Variants in GSDME observed in about 807,000 individuals in gnomAD.
GSDME encodes gasdermin-E.
In GSDME, 44 loss-of-function variants were observed where a neutral mutation model predicts 47.5. The ratio of observed to expected loss-of-function variants is 0.93; its 90% CI spans 0.73 to 1.19. The LOEUF (loss-of-function observed/expected upper bound fraction) is 1.19, where lower values mean the gene tolerates loss of function less well. GSDME is among the 50% of genes most tolerant of loss of function. The pLI is 0.00. For synonymous variants in GSDME, 258 were observed against 252.8 expected (o/e 1.02, Z -0.20); for missense variants, 663 against 604.2 (o/e 1.10, Z -1.02).
chr7:24,748,759 A>T lies in GSDME; in HGVS notation c.211+805T>A, dbSNP rs182595185. Among the ~76,000 whole-genome samples the T allele has an allele frequency of 8.0e-4, 121 of 152,170 alleles. 1 individual carries two copies. Among genetic ancestry groups the T allele is most frequent in the African/African-American group, 2.8e-3 (118 of 41,516 alleles). On this transcript the variant is annotated intron_variant, in intron 2 of 9. Coordinates refer to ENST00000645220, the MANE Select transcript of GSDME (RefSeq NM_001127453.2). ...TGGTGTCAGTGAAAGCTCAAACCAC[A>T]TAAGCCCATCCCCCATGCAGGGACC...
chr7:24,788,144 TG>T, the GSDME span, among the ~76,000 whole-genome samples: 81 of 152,326 alleles, frequency 5.3e-4, no homozygotes, highest in African/African-American at 1.9e-3. This position sits in a 1 kb window ranked among gnomAD's most constrained non-coding sequence, Gnocchi z 4.6. Context: ...CACTCAGACA[TG>T]AACTATTCTG....
At chr7:24,772,683 T>C in the GSDME span, among the ~76,000 whole-genome samples, 11 of 152,372 alleles carry the variant, frequency 7.2e-5, no homozygotes, top group African/African-American at 2.6e-4. This position sits in a 1 kb window ranked among gnomAD's most constrained non-coding sequence, Gnocchi z 4.5. Context: ...CTTGTCAGAT[T>C]CTAGTAGTTT....
chr7:24,714,490 G>A lies in GSDME; in HGVS notation c.697+2764C>T, dbSNP rs1789470886. On this transcript the variant is annotated intron_variant, in intron 5 of 9. Coordinates refer to ENST00000645220, the MANE Select transcript of GSDME (RefSeq NM_001127453.2). The surrounding 1 kb of genome is among the most constrained non-coding windows in gnomAD (Gnocchi z 5.0). ...AATCAGGCAGTGAATCACCCAGAAC[G>A]ATGACCTGACCACCAAGCCACCATA... 6.6e-6 allele frequency among the ~76,000 whole-genome samples: 1 copy of A among 152,250 alleles called. No homozygotes were observed. The highest frequency in any genetic ancestry group is 1.9e-4 in the East Asian group (1 of 5,184).
chr7:24,779,394 C>G, the GSDME span, among the ~76,000 whole-genome samples: 29 of 152,012 alleles, frequency 1.9e-4, no homozygotes, highest in Admixed American at 3.3e-4. This position sits in a 1 kb window ranked among gnomAD's most constrained non-coding sequence, Gnocchi z 6.0. Context: ...CTGAATAATC[C>G]TCCAGTTTCA....
chr7:24,781,359 A>C, the GSDME span, among the ~76,000 whole-genome samples: 3 of 152,340 alleles, frequency 2.0e-5, no homozygotes, highest in Non-Finnish European at 4.4e-5. Flanking sequence ...ACAGAAGAGA[A>C]GTAAGTGCAC....
chr7:24,753,707 G>A (rs1350978702), intron 1 of GSDME, among the ~76,000 whole-genome samples: 7 of 152,294 alleles, frequency 4.6e-5, no homozygotes, highest in African/African-American at 1.4e-4. Context: ...GTTTTAGGTT[G>A]TGTTATTTTA....
intron 1 of GSDME, among the ~76,000 whole-genome samples, chr7:24,753,017 A>C (rs542271035): frequency 6.6e-6 from 1 of 152,166 alleles, no homozygotes; most frequent in South Asian, 2.1e-4. Flanking sequence ...ATCTAACATC[A>C]AACAGCTAAT....
At chr7:24,746,238 T>C (rs1341922086) in intron 2 of GSDME, among the ~76,000 whole-genome samples, 1 of 152,196 alleles carries the variant, frequency 6.6e-6, no homozygotes, top group Non-Finnish European at 1.5e-5. Flanking sequence ...TTCATGGACT[T>C]TTTTTGTTAA....
the GSDME span, among the ~76,000 whole-genome samples, chr7:24,785,367 TAAAG>T: frequency 2.0e-5 from 3 of 152,244 alleles, no homozygotes; most frequent in Non-Finnish European, 4.4e-5. Context: ...CAGAAAATAC[TAAAG>T]AAATATCAAC....
the GSDME span, among the ~76,000 whole-genome samples, chr7:24,777,448 A>G: frequency 0.14 from 21,404 of 152,212 alleles, 1,635 homozygotes; most frequent in African/African-American, 0.2. Context: ...TCTTAGGGGA[A>G]GAAAGGATAT....
chr7:24,707,516 C>T, intron 7 of GSDME: 2 of 451,090 alleles, frequency 4.4e-6, no homozygotes, highest in South Asian at 1.6e-5. Flanking sequence ...GACCCCCTTG[C>T]AGTAGTCTGA....
At chr7:24,777,288 A>G in the GSDME span, among the ~76,000 whole-genome samples, 2 of 152,206 alleles carry the variant, frequency 1.3e-5, no homozygotes, top group East Asian at 3.9e-4. Flanking sequence ...CCTATGGATC[A>G]ATCATAATCT....
chr7:24,707,683 GACACACAC>G, intron 7 of GSDME: 1 of 329,856 alleles, frequency 3.0e-6, no homozygotes, highest in Middle Eastern at 9.5e-4. Flanking sequence ...TAAAGGAGAA[GACACACAC>G]ACACACACAG....
rs1296982731 is a variant in GSDME at position 24,699,141 on chromosome 7, A to G, written c.1376T>C (p.Leu459Pro). The change falls in exon 10 of 10, where the codon CTG becomes CCG. Residue 459 changes from leucine to proline, a missense_variant. Transcript: ENST00000645220. ...TTTCACAGATGACTTCAGTCTCTCC[A>G]GACTAATGTCAGCTGAGGCAAACAA... ...QRLFASADIS[L>P]ERLKSSVKAV... The G allele has an allele frequency of 6.2e-7, 1 of 1,614,190 alleles. No individual in the cohort carries two copies. Among genetic ancestry groups the G allele is most frequent in the Admixed American group, 1.7e-5 (1 of 60,034 alleles).
rs1477469761 is a variant in GSDME, at chr7:24,705,847, C to G, written c.1183+337G>C. 1 of 403,670 alleles carries G rather than the reference C, an allele frequency of 2.5e-6. No individual in the cohort carries two copies. The highest frequency in any genetic ancestry group is 4.7e-6 in the Non-Finnish European group (1 of 213,486). 25.0% of individuals were successfully genotyped at this position (403,670 alleles called of 1,614,324 possible). On this transcript the variant is annotated intron_variant, in intron 8 of 9. Coordinates refer to ENST00000645220, the MANE Select transcript of GSDME (RefSeq NM_001127453.2). The surrounding 1 kb of genome is among the most constrained non-coding windows in gnomAD (Gnocchi z 4.1). ...TTGGCAAATGAAAGTTGCTGCCACT[C>G]AGCTCTGCTGGGACTCCGGAGTGAA...
intron 7 of GSDME, 116 bp downstream of exon 7, chr7:24,708,011 G>C: frequency 7.5e-7 from 1 of 1,324,858 alleles, no homozygotes; most frequent in Non-Finnish European, 1.1e-6. Context: ...TCAGAAAAGA[G>C]ACAGCTGTAG....
chr7:24,722,049 C>CG (rs1195512591), intron 3 of GSDME, among the ~76,000 whole-genome samples: 1 of 152,178 alleles, frequency 6.6e-6, no homozygotes, highest in African/African-American at 2.4e-5. Flanking sequence ...CTAGCTCATT[C>CG]ATTTATCTGC....
At position 24,698,864 on chromosome 7, in the gene GSDME, CT is replaced by C. The variant is rs147856958; in HGVS notation, c.*161del. On this transcript the variant is annotated 3_prime_UTR_variant, in exon 10 of 10. Coordinates refer to ENST00000645220, the MANE Select transcript of GSDME (RefSeq NM_001127453.2). ...ATAAGGAAAACTGTTTAAAGAGTAC[CT>C]GGTGGCTAAAAGTCAGGTCATTCAT... 7.8e-5 allele frequency: 53 copies of C among 677,444 alleles called. No homozygotes were observed. The African/African-American group carries it at 9.3e-4, about 12-fold the overall frequency. 42.0% of individuals were successfully genotyped at this position (677,444 alleles called of 1,614,324 possible). A position where few individuals can be genotyped will look rare whatever the true frequency, so the allele number is the denominator to read the frequency against.
At chr7:24,710,429 T>C in intron 5 of GSDME, 41 bp from the exon 6 acceptor site, 1 of 1,609,910 alleles carries the variant, frequency 6.2e-7, no homozygotes, top group South Asian at 1.1e-5. Context: ...TAAAGTTGAG[T>C]CTAAGGTGTG....
Sources: allele counts gnomAD v4.1 joint callset (sites outside exome capture counted in the v4.1 genomes callset), GRCh38; gene constraint gnomAD v4.1.1; non-coding constraint Gnocchi (gnomAD v3.1); transcripts MANE v1.5; gene names NCBI Gene and HGNC (gene_info 2026-07-23, HGNC 2026-07-21).